CAMSAP1: variants seen among roughly 807,000 people sequenced by gnomAD.
CAMSAP1 encodes the protein calmodulin-regulated spectrin-associated protein 1.
A neutral mutation model predicts 143.5 loss-of-function variants in CAMSAP1; 58 were observed. The ratio of observed to expected loss-of-function variants is 0.40; its 90% CI spans 0.33 to 0.50. The LOEUF is 0.50. Ranked by LOEUF, CAMSAP1 falls within the 20% of genes least tolerant of loss-of-function variation. The pLI, the probability that CAMSAP1 is intolerant of heterozygous loss-of-function variation, is 0.45. For synonymous variants in CAMSAP1, 945 were observed against 859.3 expected, an observed-to-expected ratio of 1.10 and a Z score of -1.74; for missense variants, 1,969 against 2,115.7, an observed-to-expected ratio of 0.93 and a Z score of 1.36.
At chr9:135,841,613 C>T (rs1227563779) in intron 7 of CAMSAP1, among the ~76,000 whole-genome samples, 1 of 152,316 alleles carries the variant, frequency 6.6e-6, no homozygotes, top group Admixed American at 6.5e-5. Context: ...CGGTTGACAT[C>T]CGGAGGGTGC....
intron 7 of CAMSAP1, among the ~76,000 whole-genome samples, chr9:135,833,239 G>A (rs1003543598): frequency 1.3e-5 from 2 of 151,934 alleles, no homozygotes; most frequent in South Asian, 2.1e-4. Context: ...CCGCCACTAC[G>A]CCCGGCTAAT....
At chr9:135,902,299 C>T (rs145192864) in intron 1 of CAMSAP1, among the ~76,000 whole-genome samples, 1 of 152,362 alleles carries the variant, frequency 6.6e-6, no homozygotes, top group Non-Finnish European at 1.5e-5. Flanking sequence ...CTGAACAAGT[C>T]ATCACCTTCA....
At chr9:135,817,426 C>T (rs1302034443) in intron 14 of CAMSAP1, among the ~76,000 whole-genome samples, 1 of 152,222 alleles carries the variant, frequency 6.6e-6, no homozygotes, top group Admixed American at 6.5e-5. Flanking sequence ...GCGTCTCACT[C>T]TGTTGCCCAG....
intron 7 of CAMSAP1, among the ~76,000 whole-genome samples, chr9:135,827,841 G>C (rs1835732005): frequency 6.6e-6 from 1 of 152,194 alleles, no homozygotes; most frequent in Admixed American, 6.5e-5. Context: ...CCAGCTGATG[G>C]GCTCTGTCTT....
chr9:135,838,723 C>T (rs1228959295), intron 7 of CAMSAP1, among the ~76,000 whole-genome samples: 1 of 150,516 alleles, frequency 6.6e-6, no homozygotes, highest in African/African-American at 2.5e-5. Context: ...TCTACAGACA[C>T]ACATCATCAT....
intron 1 of CAMSAP1, among the ~76,000 whole-genome samples, chr9:135,904,402 C>CA (rs34983397): frequency 0.45 from 37,553 of 83,884 alleles, 6,791 homozygotes; most frequent in African/African-American, 0.53. Context: ...CTGTCCTCCA[C>CA]AAAAAAAAAA....
At position 135,882,641 on chromosome 9, in the gene CAMSAP1, C is replaced by T. The variant is rs1355866376; in HGVS notation, c.423+175G>A. On this transcript the variant is annotated intron_variant, in intron 2 of 16. Transcript: ENST00000389532. This position sits in a 1 kb window ranked among gnomAD's most constrained non-coding sequence, Gnocchi z 4.9. ...GCTCTCTTTTCCCCATTCTCCACAACAGTCATGTGCTTTAAAAGATATGCA... is the reference window on the plus strand; with the variant it reads ...GCTCTCTTTTCCCCATTCTCCACAATAGTCATGTGCTTTAAAAGATATGCA... Among the ~76,000 whole-genome samples the T allele has an allele frequency of 6.6e-6, 1 of 152,236 alleles. No homozygotes were observed. The highest frequency in any genetic ancestry group is 1.5e-5 in the Non-Finnish European group (1 of 68,040).
chr9:135,877,323 T>C (rs1837786063), intron 3 of CAMSAP1, among the ~76,000 whole-genome samples: 1 of 149,608 alleles, frequency 6.7e-6, no homozygotes, highest in Non-Finnish European at 1.5e-5. Context: ...GGCAGATGAG[T>C]AGTTACCTGC....
rs1421229135 is a variant in CAMSAP1 at position 135,818,821 on chromosome 9, G to A, written c.3959+189C>T. On this transcript the variant is annotated intron_variant, in intron 12 of 16. Transcript: ENST00000389532. The surrounding 1 kb of genome is among the most constrained non-coding windows in gnomAD (Gnocchi z 7.7). ...AGGCCACACAGCCTCCCTGGCCACC[G>A]GCAACGCACGTCCTCACTGAAGATC... is the stretch of plus-strand genomic sequence containing the variant. 6.6e-6 allele frequency among the ~76,000 whole-genome samples: 1 copy of A among 152,042 alleles called. No homozygotes were observed. Among genetic ancestry groups the A allele is most frequent in the African/African-American group, 2.4e-5 (1 of 41,382 alleles).
chr9:135,827,568 G>A lies in CAMSAP1; in HGVS notation c.1062C>T (p.His354=). 6.3e-7 allele frequency: 1 copy of A among 1,580,744 alleles called. No individual in the cohort carries two copies. ...QELKDAKTVL[H]QKSSRPPVPI... ...GTACAGGAGGCCGGCTGCTCTTCTG[G>A]TGTAACACTGTTTTCGCTGCAGAAA... Residue 354 remains histidine (H), a synonymous_variant, in exon 8 of 17, where the codon CAC becomes CAT. Coordinates refer to ENST00000389532, the MANE Select transcript of CAMSAP1 (RefSeq NM_015447.4).
At position 135,811,569 on chromosome 9, in the gene CAMSAP1, G is replaced by C. The variant is rs770735575; in HGVS notation, c.4549C>G (p.Arg1517Gly). The C allele has an allele frequency of 1.9e-6, 3 of 1,599,198 alleles. No homozygotes were observed. The highest frequency in any genetic ancestry group is 2.6e-6 in the Non-Finnish European group (3 of 1,172,564). The change falls in exon 17 of 17, where the codon CGT becomes GGT. Residue 1517 changes from arginine (R) to glycine (G), a missense_variant. Transcript: ENST00000389532. This position sits in a 1 kb window ranked among gnomAD's most constrained non-coding sequence, Gnocchi z 4.9. ...GCCCTGAACTGGCAGCCAGCATCAC[G>C]AAACAGTATGATGTAGTGATTGGCA... ...CDANHYIILF[R>G]DAGCQFRALY...
chr9:135,820,894 G>T lies in CAMSAP1; in HGVS notation c.3767C>A (p.Ser1256Ter). Residue 1256 changes from serine to a stop codon, truncating the protein, a stop_gained, in exon 11 of 17, where the codon TCG becomes TAG. Transcript: ENST00000389532. LOFTEE classifies it high-confidence loss of function. The surrounding 1 kb of genome is among the most constrained non-coding windows in gnomAD (Gnocchi z 4.4). ...EDGELVSLDG[S>*]ADLVSEGDQK... is the part of the protein sequence containing the mutation. ...GTCGCCTTCGCTGACAAGGTCCGCC[G>T]AGCCATCGAGGCTTACCAGCTCCCC... 1 of 1,613,710 alleles carries T rather than the reference G, an allele frequency of 6.2e-7. No individual in the cohort carries two copies. The highest frequency in any genetic ancestry group is 8.5e-7 in the Non-Finnish European group (1 of 1,179,886).
At chr9:135,851,541 C>T (rs570808069) in intron 5 of CAMSAP1, among the ~76,000 whole-genome samples, 28 of 151,988 alleles carry the variant, frequency 1.8e-4, no homozygotes, top group African/African-American at 6.3e-4. Flanking sequence ...AAGTCATCTC[C>T]ATCTCCAAAG....
rs1835501580 is a variant in CAMSAP1 at position 135,822,296 on chromosome 9, T to G, written c.2365A>C (p.Ser789Arg). 1.2e-6 allele frequency: 2 copies of G among 1,613,926 alleles called. No individual in the cohort carries two copies. The highest frequency in any genetic ancestry group is 1.7e-5 in the Admixed American group (1 of 60,012). The change falls in exon 11 of 17, where the codon AGC (serine) becomes CGC (arginine). Residue 789 changes from serine to arginine, a missense_variant. Ser to Arg is a moderately radical substitution (Grantham distance 110). Around this residue, in one of 4 missense-constraint regions of CAMSAP1, gnomAD observed 1,390 missense variants for 1,420.8 expected, o/e 0.98. Coordinates refer to ENST00000389532, the MANE Select transcript of CAMSAP1 (RefSeq NM_015447.4). This position sits in a 1 kb window ranked among gnomAD's most constrained non-coding sequence, Gnocchi z 6.1. ...VKEHEDKDDA[S>R]GRSSPCLSTA... ...CTCAGGCAGGGGCTCGAGCGGCCGC[T>G]GGCGTCATCTTTGTCTTCATGTTCC...
intron 7 of CAMSAP1, among the ~76,000 whole-genome samples, chr9:135,828,199 A>C (rs888568002): frequency 8.5e-5 from 13 of 152,222 alleles, no homozygotes; most frequent in Non-Finnish European, 5.9e-5. Context: ...GTCAGCCCCA[A>C]ACAGTGACTC....
intron 3 of CAMSAP1, among the ~76,000 whole-genome samples, chr9:135,877,051 T>C (rs957456334): frequency 1.3e-5 from 2 of 152,036 alleles, no homozygotes; most frequent in African/African-American, 2.4e-5. Context: ...CAAATGTCCC[T>C]AGTAGCTTTA....
At chr9:135,906,057 T>G (rs17040539) in intron 1 of CAMSAP1, among the ~76,000 whole-genome samples, 3,229 of 152,248 alleles carry the variant, frequency 0.021, 121 homozygotes, top group African/African-American at 0.073. Flanking sequence ...ATAAGGCGAG[T>G]TATTTAATCC....
intron 3 of CAMSAP1, among the ~76,000 whole-genome samples, chr9:135,875,369 C>A (rs1837705583): frequency 6.6e-6 from 1 of 152,104 alleles, no homozygotes; most frequent in African/African-American, 2.4e-5. Context: ...GCCACCATGC[C>A]TGGCTAGTTT....
chr9:135,874,471 T>TC (rs1479888032), intron 3 of CAMSAP1, among the ~76,000 whole-genome samples: 1 of 22,330 alleles, frequency 4.5e-5, no homozygotes, highest in Non-Finnish European at 8.2e-5. Context: ...AGACCCTGTC[T>TC]CAAAAAAGGG....
Sources: gnomAD v4.1 joint callset for allele counts (sites outside exome capture counted in the v4.1 genomes callset) on GRCh38, gnomAD v4.1.1 for gene constraint, gnomAD v4.1.1 regional missense constraint, Gnocchi (gnomAD v3.1) non-coding constraint, MANE v1.5 for transcripts, NCBI Gene and HGNC (gene_info 2026-07-23, HGNC 2026-07-21) for gene names.